The following FSTL1 variants were observed in gnomAD, a reference collection of about 807,000 sequenced individuals.
FSTL1 encodes the protein follistatin-related protein 1.
Under a neutral mutation model 45.9 loss-of-function variants are expected in FSTL1, and 24 were observed. The ratio of observed to expected loss-of-function variants is 0.52; its 90% CI spans 0.38 to 0.74. The LOEUF is 0.74. Among genes scored for constraint, FSTL1 ranks in the 30% least tolerant of loss-of-function variants. The pLI is 0.00. For synonymous variants in FSTL1, 120 were observed against 137.6 expected (o/e 0.87, Z 0.89); for missense variants, 340 against 381.8 (o/e 0.89, Z 0.91).
chr3:120,433,131 T>C (rs1368404392), intron 2 of FSTL1, among the ~76,000 whole-genome samples: 1 of 152,266 alleles, frequency 6.6e-6, no homozygotes, highest in Admixed American at 6.5e-5. Context: ...CTTTATTTCA[T>C]ATTCTTTGGG....
chr3:120,396,249 T>C lies in FSTL1; in HGVS notation c.*703A>G, dbSNP rs1166349254. 6 of 152,118 alleles carry C rather than the reference T, an allele frequency of 3.9e-5. No individual in the cohort carries two copies. The East Asian group carries it at 1.2e-3, about 29-fold the overall frequency. 9.4% of individuals were successfully genotyped at this position (152,118 alleles called of 1,614,324 possible). ...ATATTAAAAAACAATAATATAATGATAATAATTGAAGAATAAAGTCAACTT... is the reference window on the plus strand; with the variant it reads ...ATATTAAAAAACAATAATATAATGACAATAATTGAAGAATAAAGTCAACTT... On this transcript the variant is annotated 3_prime_UTR_variant, in exon 11 of 11. Transcript: ENST00000295633.
intron 2 of FSTL1, among the ~76,000 whole-genome samples, chr3:120,447,413 A>AT (rs2107674778): frequency 6.6e-6 from 1 of 152,258 alleles, no homozygotes; most frequent in Non-Finnish European, 1.5e-5. Flanking sequence ...ATCTAGAGAC[A>AT]TATGCTACAC....
chr3:120,413,401 C>T (rs1366912067), intron 3 of FSTL1, among the ~76,000 whole-genome samples: 1 of 152,134 alleles, frequency 6.6e-6, no homozygotes, highest in East Asian at 1.9e-4. Flanking sequence ...TCTCAGCTCA[C>T]CCACATCTAG....
Position 120,394,682 on chromosome 3 carries a change from T to A in FSTL1, c.*2270A>T, listed in dbSNP as rs1936661406. On this transcript the variant is annotated 3_prime_UTR_variant, in exon 11 of 11. Transcript: ENST00000295633. The stretch of plus-strand genomic sequence containing the variant: ...AGAGGGCTGAAGGAACCAAACCTAG[T>A]TTAATCCTGTTTGTTTGCTCCATGC... The A allele has an allele frequency of 6.6e-6, 1 of 152,178 alleles. No homozygotes were observed. Among genetic ancestry groups the A allele is most frequent in the African/African-American group, 2.4e-5 (1 of 41,438 alleles). 9.4% of individuals were successfully genotyped at this position (152,178 alleles called of 1,614,324 possible).
At chr3:120,440,881 G>A (rs1163012730) in intron 2 of FSTL1, among the ~76,000 whole-genome samples, 2 of 152,190 alleles carry the variant, frequency 1.3e-5, no homozygotes, top group Non-Finnish European at 2.9e-5. Flanking sequence ...GAAGGGAAGA[G>A]CAAAGAGCAA....
At chr3:120,448,670 T>C (rs1432380809) in intron 2 of FSTL1, among the ~76,000 whole-genome samples, 1 of 152,352 alleles carries the variant, frequency 6.6e-6, no homozygotes, top group Non-Finnish European at 1.5e-5. Context: ...ATCTCAGTAC[T>C]TCTCTATTTT....
rs909899508 is a variant in FSTL1 at position 120,401,863 on chromosome 3, C to T, written c.805+945G>A. On this transcript the variant is annotated intron_variant, in intron 9 of 10. Coordinates refer to ENST00000295633, the MANE Select transcript of FSTL1 (RefSeq NM_007085.5). ...TTGGGATTATAGGCATAAGCCACTGCGCCTGGCTGATATAACTTTAGGTTC... is the reference window on the plus strand; with the variant it reads ...TTGGGATTATAGGCATAAGCCACTGTGCCTGGCTGATATAACTTTAGGTTC... Among the ~76,000 whole-genome samples, 12 of 152,212 alleles carry T rather than the reference C, an allele frequency of 7.9e-5. 1 individual carries two copies. In the South Asian group the frequency reaches 8.3e-4, roughly 11 times the overall value.
At chr3:120,419,492 G>A (rs1937241906) in intron 2 of FSTL1, 1 of 152,204 alleles carries the variant, frequency 6.6e-6, no homozygotes, top group African/African-American at 2.4e-5. Flanking sequence ...CTGATTCTGA[G>A]TGGGGGAAAA....
intron 3 of FSTL1, among the ~76,000 whole-genome samples, chr3:120,414,197 T>C (rs375169760): frequency 3.9e-4 from 60 of 152,168 alleles, no homozygotes; most frequent in African/African-American, 1.3e-3. Flanking sequence ...TCTGCCTGGC[T>C]GCCACCCCGT....
intron 2 of FSTL1, among the ~76,000 whole-genome samples, chr3:120,427,101 C>T (rs1937396012): frequency 6.6e-6 from 1 of 152,154 alleles, no homozygotes; most frequent in Non-Finnish European, 1.5e-5. Context: ...CAGAGAATGT[C>T]CCACAAGACC....
At chr3:120,443,708 CTTAG>C (rs1937675827) in intron 2 of FSTL1, among the ~76,000 whole-genome samples, 3 of 149,814 alleles carry the variant, frequency 2.0e-5, no homozygotes, top group Admixed American at 2.0e-4. Context: ...TTGTCAACAG[CTTAG>C]TTGGTCACAA....
Position 120,414,105 on chromosome 3 carries a change from T to C in FSTL1, c.168+1818A>G, listed in dbSNP as rs536742350. On this transcript the variant is annotated intron_variant, in intron 3 of 10. Transcript: ENST00000295633. Reference sequence around the variant, plus strand: ...GTGCTCAATGGTGCCCAGGCTGGAGTGCAGTGGCGTGATCTCGGCTCGCTA... The same window carrying C: ...GTGCTCAATGGTGCCCAGGCTGGAGCGCAGTGGCGTGATCTCGGCTCGCTA... 2.9e-3 allele frequency among the ~76,000 whole-genome samples: 446 copies of C among 151,952 alleles called. 3 individuals are homozygous for C. The highest frequency in any genetic ancestry group is 6.8e-3 in the Middle Eastern group (2 of 294).
chr3:120,400,964 A>G (rs976887183), intron 9 of FSTL1, among the ~76,000 whole-genome samples: 32 of 152,326 alleles, frequency 2.1e-4, no homozygotes, highest in African/African-American at 7.7e-4. Context: ...GGAAATGGGC[A>G]ACATCCCATG....
intron 2 of FSTL1, among the ~76,000 whole-genome samples, chr3:120,430,510 C>G (rs985069417): frequency 6.6e-6 from 1 of 152,198 alleles, no homozygotes; most frequent in Non-Finnish European, 1.5e-5. Context: ...GCATGGGTGT[C>G]AGGAAGTTCT....
chr3:120,410,291 A>G (rs1937026745), intron 5 of FSTL1: 1 of 167,824 alleles, frequency 6.0e-6, no homozygotes, highest in Non-Finnish European at 1.3e-5. Context: ...GCTTTGGCAA[A>G]AGAGAATTCC....
rs139359452 is a variant in FSTL1 at position 120,430,533 on chromosome 3, A to T, written c.64-14506T>A. On this transcript the variant is annotated intron_variant, in intron 2 of 10. Transcript: ENST00000295633. ...GTCAGGAAGTTCTGGCACCCTCTACAGGTCCCCTGGATTTTAATAGTCCAG... is the reference window on the plus strand; with the variant it reads ...GTCAGGAAGTTCTGGCACCCTCTACTGGTCCCCTGGATTTTAATAGTCCAG... Among the ~76,000 whole-genome samples, 3 of 152,348 alleles carry T rather than the reference A, an allele frequency of 2.0e-5. No individual in the cohort carries two copies. The East Asian group carries it at 5.8e-4, about 29-fold the overall frequency.
At chr3:120,431,343 A>G (rs1004408496) in intron 2 of FSTL1, among the ~76,000 whole-genome samples, 3 of 152,236 alleles carry the variant, frequency 2.0e-5, no homozygotes, top group African/African-American at 7.2e-5. Flanking sequence ...TTAAGAAAAT[A>G]TATCCAAAAT....
chr3:120,393,204 A>G lies in FSTL1; in HGVS notation c.*3748T>C, dbSNP rs2034810783. On this transcript the variant is annotated 3_prime_UTR_variant, in exon 11 of 11. Coordinates refer to ENST00000295633, the MANE Select transcript of FSTL1 (RefSeq NM_007085.5). ...ACATAACAAAAAAGATTGCCTTTTA[A>G]TATTTGATTAGCATTTGGGTAATAT... 6.6e-6 allele frequency: 1 copy of G among 152,248 alleles called. No homozygotes were observed. Among genetic ancestry groups the G allele is most frequent in the Admixed American group, 6.5e-5 (1 of 15,292 alleles). 9.4% of individuals were successfully genotyped at this position (152,248 alleles called of 1,614,324 possible). A position where few individuals can be genotyped will look rare whatever the true frequency, so the allele number is the denominator to read the frequency against.
At position 120,436,062 on chromosome 3, in the gene FSTL1, TA is replaced by T. The variant is rs35022337; in HGVS notation, c.63+14621del. Among the ~76,000 whole-genome samples the T allele has an allele frequency of 2.7e-3, 396 of 146,842 alleles. 2 individuals carry two copies. The highest frequency in any genetic ancestry group is 0.021 in the South Asian group (97 of 4,688). On this transcript the variant is annotated intron_variant, in intron 2 of 10. Transcript: ENST00000295633. ...ATATCCCTATCACAGTTTATTTTTG[TA>T]AAAAAAAAAAAGTATCTAAAATAGG...
Sources: allele counts gnomAD v4.1 joint callset (sites outside exome capture counted in the v4.1 genomes callset), GRCh38; gene constraint gnomAD v4.1.1; transcripts MANE v1.5; gene names NCBI Gene and HGNC (gene_info 2026-07-23, HGNC 2026-07-21).